Variants in SH3BGR observed in about 807,000 individuals in gnomAD.
SH3BGR encodes SH3 domain-binding glutamic acid-rich protein.
In SH3BGR, 29 loss-of-function variants were observed where a neutral mutation model predicts 24.5. The observed-to-expected ratio is 1.18, with a 90% CI of 0.88 to 1.61. The LOEUF is 1.61. SH3BGR is among the 40% of genes most tolerant of loss of function. The probability of loss-of-function intolerance (pLI) is 0.00; values close to 1 mark genes in which losing one functional copy is unlikely to be tolerated. For synonymous variants in SH3BGR, 55 were observed against 65.7 expected (o/e 0.84, Z 0.79); for missense variants, 162 against 205.8 (o/e 0.79, Z 1.30).
At chr21:39,486,224 A>G (rs930971877) in intron 3 of SH3BGR, among the ~76,000 whole-genome samples, 1 of 152,224 alleles carries the variant, frequency 6.6e-6, no homozygotes, top group African/African-American at 2.4e-5. Flanking sequence ...ATAATTTTCA[A>G]AAGTGAAAGT....
chr21:39,461,239 C>T (rs1337481818), intron 1 of SH3BGR, among the ~76,000 whole-genome samples: 1 of 150,976 alleles, frequency 6.6e-6, no homozygotes, highest in Non-Finnish European at 1.5e-5. Flanking sequence ...TGGGTTCAAG[C>T]GATTCTCCTG....
intron 2 of SH3BGR, among the ~76,000 whole-genome samples, chr21:39,462,940 G>A (rs1456176756): frequency 6.6e-6 from 1 of 152,238 alleles, no homozygotes; most frequent in Non-Finnish European, 1.5e-5. Context: ...CTGGAGTGTA[G>A]TGGTGCAATC....
intron 2 of SH3BGR, among the ~76,000 whole-genome samples, chr21:39,471,877 T>C (rs775725727): frequency 6.6e-6 from 1 of 152,140 alleles, no homozygotes; most frequent in Non-Finnish European, 1.5e-5. Context: ...TTTTCAGGAG[T>C]TCTTTTTGGT....
chr21:39,492,211 G>T (rs538506872), intron 3 of SH3BGR, among the ~76,000 whole-genome samples: 1 of 151,936 alleles, frequency 6.6e-6, no homozygotes, highest in Admixed American at 6.6e-5. Flanking sequence ...CCTATTTGTC[G>T]TCTTTTATCC....
chr21:39,456,212 C>T (rs891373797), intron 1 of SH3BGR, among the ~76,000 whole-genome samples: 1 of 152,154 alleles, frequency 6.6e-6, no homozygotes, highest in Non-Finnish European at 1.5e-5. Context: ...CAGGCCAATT[C>T]GTGCTCCCAA....
intron 4 of SH3BGR, among the ~76,000 whole-genome samples, chr21:39,506,977 G>A (rs192898456): frequency 5.1e-4 from 77 of 152,314 alleles, no homozygotes; most frequent in Non-Finnish European, 9.1e-4. Flanking sequence ...TCATGGCAGA[G>A]GAGGGGCGAG....
At chr21:39,446,276 A>G (rs557339643) in intron 1 of SH3BGR, among the ~76,000 whole-genome samples, 1 of 152,250 alleles carries the variant, frequency 6.6e-6, no homozygotes, top group African/African-American at 2.4e-5. Flanking sequence ...AAAATCACCT[A>G]GATGATGGAG....
intron 3 of SH3BGR, among the ~76,000 whole-genome samples, chr21:39,487,715 A>G (rs1036491169): frequency 2.0e-5 from 3 of 152,230 alleles, no homozygotes; most frequent in Admixed American, 2.0e-4. Context: ...TATCTGGATC[A>G]TGTAACTTTT....
intron 1 of SH3BGR, among the ~76,000 whole-genome samples, chr21:39,457,324 A>G (rs1211192234): frequency 7.0e-6 from 1 of 143,188 alleles, no homozygotes; most frequent in Non-Finnish European, 1.5e-5. Flanking sequence ...CTTATTATAT[A>G]TAAGATTATT....
At chr21:39,495,186 G>C (rs947519764) in intron 3 of SH3BGR, among the ~76,000 whole-genome samples, 2 of 152,046 alleles carry the variant, frequency 1.3e-5, no homozygotes, top group Non-Finnish European at 2.9e-5. Context: ...GGTCTTTTCT[G>C]TGTTGGTCTT....
At chr21:39,506,770 A>G (rs1172733671) in intron 4 of SH3BGR, among the ~76,000 whole-genome samples, 1 of 152,220 alleles carries the variant, frequency 6.6e-6, no homozygotes, top group Non-Finnish European at 1.5e-5. Context: ...TACACAGCCA[A>G]ACCATATCAG....
intron 3 of SH3BGR, among the ~76,000 whole-genome samples, chr21:39,492,968 C>T (rs759731369): frequency 6.6e-6 from 1 of 151,284 alleles, no homozygotes; most frequent in Non-Finnish European, 1.5e-5. Flanking sequence ...TTTGATGGGA[C>T]GTTTTTTCTT....
chr21:39,509,147 A>C (rs2078632810), intron 5 of SH3BGR, 120 bp downstream of exon 5: 1 of 700,504 alleles, frequency 1.4e-6, no homozygotes, highest in South Asian at 2.2e-5. Flanking sequence ...CAACCCACAC[A>C]CCCAGAAAAT....
intron 3 of SH3BGR, among the ~76,000 whole-genome samples, chr21:39,493,488 A>G (rs990030279): frequency 1.3e-5 from 2 of 152,162 alleles, no homozygotes; most frequent in African/African-American, 4.8e-5. Flanking sequence ...CTATTTTTAT[A>G]CCAGTACCAT....
chr21:39,448,081 T>G (rs1477373395), upstream of SH3BGR, among the ~76,000 whole-genome samples: 1 of 152,182 alleles, frequency 6.6e-6, no homozygotes, highest in Non-Finnish European at 1.5e-5. Flanking sequence ...TGCTTCCATC[T>G]TCACAGGGTG....
chr21:39,459,488 G>T (rs2077719721), intron 1 of SH3BGR, among the ~76,000 whole-genome samples: 1 of 152,174 alleles, frequency 6.6e-6, no homozygotes, highest in South Asian at 2.1e-4. Flanking sequence ...CTCCCAAAGT[G>T]CTGGGATTAC....
Position 39,460,299 on chromosome 21 carries a change from A to G in SH3BGR, c.46-2076A>G, listed in dbSNP as rs559733560. Among the ~76,000 whole-genome samples the G allele has an allele frequency of 2.6e-5, 4 of 152,156 alleles. No individual in the cohort carries two copies. The South Asian group carries it at 8.3e-4, about 32-fold the overall frequency. ...TCTGCTTGTGCCCTTCCCCTCCAGT[A>G]GTCTCTGTGTGAGCTTTTTAATCTC... On this transcript the variant is annotated intron_variant, in intron 1 of 6. Transcript: ENST00000333634.
At position 39,462,401 on chromosome 21, in the gene SH3BGR, G is replaced by A. The variant is rs1468700997; in HGVS notation, c.72G>A (p.Val24=). The A allele has an allele frequency of 6.2e-7, 1 of 1,609,358 alleles. No homozygotes were observed. The highest frequency in any genetic ancestry group is 8.5e-7 in the Non-Finnish European group (1 of 1,178,960). ...TTAGGAAGAAACAGCAAGAAGTAGT[G>A]GGTTTTTTGGAAGCGAATAAAATCG... The part of the protein sequence containing the change: ...IAIRKKQQEV[V]GFLEANKIDF... Residue 24 remains valine, a synonymous_variant, in exon 2 of 7, where the codon GTG becomes GTA. Coordinates refer to ENST00000333634, the MANE Select transcript of SH3BGR (RefSeq NM_007341.3).
chr21:39,450,448 A>C (rs1231483193), upstream of SH3BGR, among the ~76,000 whole-genome samples: 1 of 152,158 alleles, frequency 6.6e-6, no homozygotes, highest in East Asian at 1.9e-4. Context: ...TTCTCGTTGC[A>C]GGCACCTACC....
Sources: gnomAD v4.1 joint callset for allele counts (sites outside exome capture counted in the v4.1 genomes callset) on GRCh38, gnomAD v4.1.1 for gene constraint, MANE v1.5 for transcripts, NCBI Gene and HGNC (gene_info 2026-07-23, HGNC 2026-07-21) for gene names.